Variants in MEP1A observed in about 807,000 individuals in gnomAD.
The protein encoded by MEP1A is N-benzoyl-L-tyrosyl-P-amino-benzoic acid hydrolase subunit alpha.
MEP1A carries 68 observed loss-of-function variants against 84.5 expected under a neutral mutation model. That is an observed-to-expected ratio of 0.80 (90% CI 0.66 to 0.98). The LOEUF is 0.98. Ranked by LOEUF, MEP1A falls within the 50% of genes least tolerant of loss-of-function variation. The pLI, the probability that MEP1A is intolerant of heterozygous loss-of-function variation, is 0.00. For missense variants in MEP1A, 887 were observed against 919.9 expected (o/e 0.96, Z 0.46); for synonymous variants, 337 against 336.8 (o/e 1.00, Z -0.01).
chr6:46,807,623 A>AGG, intron 5 of MEP1A, among the ~76,000 whole-genome samples: 3 of 74,172 alleles, frequency 4.0e-5, no homozygotes, highest in Admixed American at 1.6e-4. Flanking sequence ...GAAGGAAGGA[A>AGG]AGAAGGAAGG....
intron 7 of MEP1A, among the ~76,000 whole-genome samples, chr6:46,822,543 G>A (rs771394198): frequency 5.9e-5 from 9 of 151,990 alleles, no homozygotes; most frequent in African/African-American, 1.9e-4. Flanking sequence ...TAACCTGATG[G>A]GATTTTTGTT....
In MEP1A at chr6:46,826,393, A is replaced by G; in HGVS notation, c.818A>G (p.Lys273Arg). The change falls in exon 9 of 14, where the codon AAG (lysine) becomes AGG (arginine). Residue 273 changes from lysine to arginine, a missense_variant. Physicochemically the swap from Lys to Arg is conservative, Grantham distance 26 (BLOSUM62 2). Coordinates refer to ENST00000230588, the MANE Select transcript of MEP1A (RefSeq NM_005588.3). ...HTLLDHCTFEKANICGMIQGT... is the reference protein window; with the variant it reads ...HTLLDHCTFERANICGMIQGT... ...CTTTTGGACCACTGTACTTTTGAGA[A>G]GGCAAACATCTGTGGAATGATTCAG... is the stretch of plus-strand genomic sequence containing the variant. The G allele has an allele frequency of 6.2e-7, 1 of 1,609,990 alleles. No individual in the cohort carries two copies. The highest frequency in any genetic ancestry group is 8.5e-7 in the Non-Finnish European group (1 of 1,178,040).
chr6:46,815,518 G>A (rs991635749), intron 6 of MEP1A, among the ~76,000 whole-genome samples: 7 of 152,166 alleles, frequency 4.6e-5, no homozygotes, highest in Non-Finnish European at 1.0e-4. Flanking sequence ...CGGACCACGA[G>A]CCTCCTTGTT....
At chr6:46,834,881 T>G (rs1768175760) in intron 12 of MEP1A, 130 bp downstream of exon 12, 7 of 671,482 alleles carry the variant, frequency 1.0e-5, no homozygotes, top group Non-Finnish European at 1.5e-5. Flanking sequence ...AGAATCACAT[T>G]TTATTCAATT....
At chr6:46,797,511 A>G (rs181683632) in intron 3 of MEP1A, among the ~76,000 whole-genome samples, 26 of 152,338 alleles carry the variant, frequency 1.7e-4, no homozygotes, top group African/African-American at 5.1e-4. Context: ...GAATGGATCT[A>G]TCCATATTCC....
At chr6:46,803,452 T>C (rs926424852) in intron 5 of MEP1A, among the ~76,000 whole-genome samples, 1 of 151,632 alleles carries the variant, frequency 6.6e-6, no homozygotes, top group Admixed American at 6.6e-5. Flanking sequence ...ACTTTTGATA[T>C]TGGCAATTTG....
chr6:46,812,013 T>G (rs973333359), intron 6 of MEP1A, among the ~76,000 whole-genome samples: 5 of 152,090 alleles, frequency 3.3e-5, no homozygotes, highest in African/African-American at 1.2e-4. Flanking sequence ...ATTCCCTCTT[T>G]CTCTATCTTT....
At chr6:46,829,888 G>T (rs1469753049) in intron 10 of MEP1A, among the ~76,000 whole-genome samples, 1 of 152,134 alleles carries the variant, frequency 6.6e-6, no homozygotes, top group African/African-American at 2.4e-5. Context: ...CCAAGACTGA[G>T]AAAATGGATG....
intron 7 of MEP1A, among the ~76,000 whole-genome samples, chr6:46,821,709 GAGGTT>G (rs1353195035): frequency 6.6e-6 from 1 of 152,208 alleles, no homozygotes; most frequent in Non-Finnish European, 1.5e-5. Flanking sequence ...TAGGCCAAAT[GAGGTT>G]CCCTTTATCG....
At chr6:46,837,396 A>T (rs184378330) in intron 13 of MEP1A, among the ~76,000 whole-genome samples, 7 of 152,228 alleles carry the variant, frequency 4.6e-5, no homozygotes, top group African/African-American at 1.4e-4. Flanking sequence ...TTTTATGAAC[A>T]CAATGTTACT....
At chr6:46,814,718 A>AT (rs1052004421) in intron 6 of MEP1A, among the ~76,000 whole-genome samples, 13 of 152,136 alleles carry the variant, frequency 8.5e-5, no homozygotes, top group African/African-American at 2.4e-4. Flanking sequence ...TGTTTTTCAG[A>AT]TTTTTTTGTC....
In MEP1A at chr6:46,839,041, G is replaced by T; in HGVS notation, c.2146G>T (p.Gly716Cys). The T allele has an allele frequency of 2.5e-6, 4 of 1,613,774 alleles. No individual in the cohort carries two copies. The highest frequency in any genetic ancestry group is 3.4e-6 in the Non-Finnish European group (4 of 1,179,764). The change falls in exon 14 of 14, where the codon GGC (glycine) becomes TGC (cysteine). Residue 716 changes from glycine to cysteine, a missense_variant. Coordinates refer to ENST00000230588, the MANE Select transcript of MEP1A (RefSeq NM_005588.3). ...GERCQAVQVH[G>C]SVLGMVIGGT... ...GCGCTGTCAGGCCGTGCAGGTGCAC[G>T]GCAGTGTCCTGGGCATGGTGATCGG...
chr6:46,816,222 G>A (rs1262084403), intron 6 of MEP1A, among the ~76,000 whole-genome samples: 7 of 152,148 alleles, frequency 4.6e-5, no homozygotes, highest in Non-Finnish European at 1.0e-4. Context: ...ACAGGCGTGA[G>A]CCACCATTAC....
intron 9 of MEP1A, among the ~76,000 whole-genome samples, chr6:46,826,831 T>G (rs1209127884): frequency 6.6e-6 from 1 of 152,220 alleles, no homozygotes; most frequent in Non-Finnish European, 1.5e-5. Flanking sequence ...AATTTTCTAG[T>G]GTCCACATGA....
intron 5 of MEP1A, among the ~76,000 whole-genome samples, chr6:46,803,734 G>A (rs996586884): frequency 4.8e-4 from 60 of 124,300 alleles, no homozygotes; most frequent in African/African-American, 1.8e-3. Flanking sequence ...GGCTACTAAA[G>A]CTATAAATTT....
intron 6 of MEP1A, among the ~76,000 whole-genome samples, chr6:46,812,556 C>T (rs1286085866): frequency 6.6e-6 from 1 of 151,696 alleles, no homozygotes; most frequent in South Asian, 2.1e-4. Flanking sequence ...GTGGTGTAAC[C>T]TTAGATTGTC....
chr6:46,797,840 C>A (rs143896080), intron 3 of MEP1A, among the ~76,000 whole-genome samples: 1 of 68,332 alleles, frequency 1.5e-5, no homozygotes, highest in Non-Finnish European at 3.1e-5. Flanking sequence ...CTTTCTTTCT[C>A]TCTCTCTTTC....
chr6:46,807,772 A>AAAGAAAGAAAGAAAGG (rs1767383284), intron 5 of MEP1A, among the ~76,000 whole-genome samples: 6 of 40,932 alleles, frequency 1.5e-4, no homozygotes, highest in Admixed American at 4.2e-4. Flanking sequence ...GGGAGAAAGG[A>AAAGAAAGAAAGAAAGG]AAGAAAGAAA....
intron 2 of MEP1A, 27 bp downstream of exon 2, chr6:46,793,603 AGT>A: frequency 1.9e-6 from 3 of 1,560,492 alleles, no homozygotes; most frequent in Non-Finnish European, 2.6e-6. Context: ...ATGCACAGAG[AGT>A]GTTTTTGAAC....
Sources: gnomAD v4.1 joint callset for allele counts (sites outside exome capture counted in the v4.1 genomes callset) on GRCh38, gnomAD v4.1.1 for gene constraint, MANE v1.5 for transcripts, NCBI Gene and HGNC (gene_info 2026-07-23, HGNC 2026-07-21) for gene names.